The following TCF20 variants were observed in gnomAD, a reference collection of about 807,000 sequenced individuals.
TCF20 encodes transcription factor 20, also known as SPRE-binding protein.
TCF20 carries 3 observed loss-of-function variants against 148.6 expected under a neutral mutation model. The ratio of observed to expected loss-of-function variants is 0.02; its 90% CI spans 0.01 to 0.05. The LOEUF is 0.05. Among genes scored for constraint, TCF20 ranks in the 10% least tolerant of loss-of-function variants. TCF20 has a pLI of 1.00. For synonymous variants in TCF20, 1,049 were observed against 909.5 expected (o/e 1.15, Z -2.76); for missense variants, 2,350 against 2,429.3 (o/e 0.97, Z 0.69).
In TCF20 at chr22:42,210,454, T is replaced by A; in HGVS notation, c.4852A>T (p.Thr1618Ser). 1 of 1,613,928 alleles carries A rather than the reference T, an allele frequency of 6.2e-7. No homozygotes were observed. The highest frequency in any genetic ancestry group is 8.5e-7 in the Non-Finnish European group (1 of 1,180,032). The change falls in exon 2 of 6, where the codon ACC becomes TCC. Residue 1618 changes from threonine (T) to serine (S), a missense_variant. Coordinates refer to ENST00000677622, the MANE Select transcript of TCF20 (RefSeq NM_001378418.1). This position sits in a 1 kb window ranked among gnomAD's most constrained non-coding sequence, Gnocchi z 4.7. ...QEPEIKLKYA[T>S]QPLDKTDAKN... ...GCATCAGTTTTATCCAGTGGCTGGGTGGCATATTTTAGTTTGATCTCAGGT... is the reference window on the plus strand; with the variant it reads ...GCATCAGTTTTATCCAGTGGCTGGGAGGCATATTTTAGTTTGATCTCAGGT...
chr22:42,265,995 G>C (rs1314094185), intron 1 of TCF20, among the ~76,000 whole-genome samples: 1 of 151,832 alleles, frequency 6.6e-6, no homozygotes, highest in Non-Finnish European at 1.5e-5. Context: ...ACTCCCAGGG[G>C]GTCACAAAAC....
chr22:42,241,589 G>A (rs1017426918), intron 1 of TCF20, among the ~76,000 whole-genome samples: 3 of 152,222 alleles, frequency 2.0e-5, no homozygotes, highest in Non-Finnish European at 2.9e-5. Context: ...CACTTTGGGA[G>A]GCTGGGGCAG....
intron 1 of TCF20, among the ~76,000 whole-genome samples, chr22:42,323,968 ATGGT>A (rs1927802306): frequency 2.1e-4 from 1 of 4,732 alleles, no homozygotes; most frequent in Non-Finnish European, 4.1e-4. Context: ...GGTGGTGGTG[ATGGT>A]GGTGGTGGAG....
At chr22:42,179,890 A>C (rs1040214557) in intron 2 of TCF20, among the ~76,000 whole-genome samples, 188 bp from the exon 3 acceptor site, 3 of 152,212 alleles carry the variant, frequency 2.0e-5, no homozygotes, top group African/African-American at 7.2e-5. Context: ...GGATCCAGCA[A>C]TAATGTTTTA....
chr22:42,302,165 CTGCCTT>C (rs1927348534), intron 1 of TCF20, among the ~76,000 whole-genome samples: 1 of 152,202 alleles, frequency 6.6e-6, no homozygotes, highest in African/African-American at 2.4e-5. Context: ...TGCCTTGATG[CTGCCTT>C]AAGGGCACTA....
intron 1 of TCF20, among the ~76,000 whole-genome samples, chr22:42,232,032 C>A (rs1440224351): frequency 6.6e-6 from 1 of 151,782 alleles, no homozygotes; most frequent in African/African-American, 2.4e-5. Context: ...AGTGTTTATA[C>A]ATCTACAGTA....
chr22:42,256,747 T>A (rs1925766949), intron 1 of TCF20, among the ~76,000 whole-genome samples: 1 of 152,220 alleles, frequency 6.6e-6, no homozygotes, highest in South Asian at 2.1e-4. Context: ...CTGGTAAATC[T>A]GTTTAGGTTC....
At chr22:42,273,187 C>A (rs1454783992), upstream of TCF20, among the ~76,000 whole-genome samples, 61 of 151,480 alleles carry the variant, frequency 4.0e-4, no homozygotes, top group Non-Finnish European at 1.0e-4. Context: ...TGGTGAAACC[C>A]TGTCTCTACT....
chr22:42,237,187 A>G (rs1027639149), intron 1 of TCF20, among the ~76,000 whole-genome samples: 1 of 151,946 alleles, frequency 6.6e-6, no homozygotes, highest in Non-Finnish European at 1.5e-5. Context: ...GTTCTCTTCA[A>G]CCCCGCCACT....
chr22:42,170,336 A>T (rs1361363862), intron 3 of TCF20, among the ~76,000 whole-genome samples: 4 of 58,654 alleles, frequency 6.8e-5, no homozygotes, highest in Admixed American at 1.3e-4. Flanking sequence ...TGTCACTATT[A>T]AAAAAAAAAA....
intron 1 of TCF20, among the ~76,000 whole-genome samples, chr22:42,244,728 C>T (rs768236058): frequency 1.3e-5 from 2 of 152,048 alleles, no homozygotes; most frequent in African/African-American, 2.4e-5. Context: ...ATGCAGCAAA[C>T]GCCACTCGAG....
intron 1 of TCF20, among the ~76,000 whole-genome samples, chr22:42,258,386 A>G (rs1450336902): frequency 6.6e-6 from 1 of 151,954 alleles, no homozygotes; most frequent in East Asian, 1.9e-4. Context: ...CTCCTGTGGG[A>G]GAAGGATATT....
Position 42,212,466 on chromosome 22 carries a change from G to T in TCF20, c.2840C>A (p.Ser947Tyr), listed in dbSNP as rs149229896. The T allele has an allele frequency of 6.2e-7, 1 of 1,614,120 alleles. No individual in the cohort carries two copies. The highest frequency in any genetic ancestry group is 1.3e-5 in the African/African-American group (1 of 74,936). ...GCTAGGAGGATGGCAGTGGTCTCCAGATTTCTTGTTGTTGAAACTAGCTTG... is the reference window on the plus strand; with the variant it reads ...GCTAGGAGGATGGCAGTGGTCTCCATATTTCTTGTTGTTGAAACTAGCTTG... Reference protein sequence around the residue: ...KSQASFNNKKSGDHCHPPSIK... With the variant: ...KSQASFNNKKYGDHCHPPSIK... The change falls in exon 2 of 6, where the codon TCT becomes TAT. Residue 947 changes from serine (S) to tyrosine (Y), a missense_variant. Coordinates refer to ENST00000677622, the MANE Select transcript of TCF20 (RefSeq NM_001378418.1).
intron 1 of TCF20, chr22:42,269,835 C>A (rs1926499096): frequency 6.6e-6 from 1 of 152,304 alleles, no homozygotes; most frequent in African/African-American, 2.4e-5. Context: ...CTCCTGGGCG[C>A]CCCAGCGCGG....
chr22:42,224,229 T>C (rs1246737962), intron 1 of TCF20, among the ~76,000 whole-genome samples: 1 of 152,072 alleles, frequency 6.6e-6, no homozygotes, highest in Non-Finnish European at 1.5e-5. Context: ...ACCAGCACTT[T>C]GGGAGGCCGA....
chr22:42,278,748 C>T (rs897333345), intron 1 of TCF20: 2 of 152,310 alleles, frequency 1.3e-5, no homozygotes, highest in African/African-American at 2.4e-5. Context: ...CCTGCGTCCA[C>T]TCGTAACATC....
At chr22:42,216,291 G>A (rs5996130) in intron 1 of TCF20, among the ~76,000 whole-genome samples, 15,823 of 151,690 alleles carry the variant, frequency 0.1, 1,027 homozygotes, top group African/African-American at 0.18. Flanking sequence ...ACTGAACTGC[G>A]GGTTTTAACA....
intron 1 of TCF20, among the ~76,000 whole-genome samples, chr22:42,236,322 AT>A (rs1217494443): frequency 6.6e-6 from 1 of 152,228 alleles, no homozygotes; most frequent in Admixed American, 6.5e-5. Context: ...GTGACAGGTA[AT>A]TTTTGTCATT....
At chr22:42,193,765 C>T (rs536625873) in intron 2 of TCF20, among the ~76,000 whole-genome samples, 2 of 152,150 alleles carry the variant, frequency 1.3e-5, no homozygotes, top group African/African-American at 4.8e-5. Context: ...CCCAAGAAGC[C>T]AACTCCTACA....
Sources: gnomAD v4.1 joint callset for allele counts (sites outside exome capture counted in the v4.1 genomes callset) on GRCh38, gnomAD v4.1.1 for gene constraint, Gnocchi (gnomAD v3.1) non-coding constraint, MANE v1.5 for transcripts, NCBI Gene and HGNC (gene_info 2026-07-23, HGNC 2026-07-21) for gene names.